The following NUP98 variants were observed in gnomAD, a reference collection of about 807,000 sequenced individuals.
NUP98 encodes the protein nucleoporin 98 and 96 precursor, also known as nuclear pore complex protein Nup98-Nup96.
A neutral mutation model predicts 191.9 loss-of-function variants in NUP98; 26 were observed. That is an observed-to-expected ratio of 0.14 (90% CI 0.10 to 0.19). The LOEUF (loss-of-function observed/expected upper bound fraction) is 0.19. Ranked by LOEUF, NUP98 falls within the 10% of genes least tolerant of loss-of-function variation. The pLI, the probability that NUP98 is intolerant of heterozygous loss-of-function variation, is 1.00. For missense variants in NUP98, 1,941 were observed against 2,178.8 expected, an observed-to-expected ratio of 0.89 and a Z score of 2.17; for synonymous variants, 808 against 778.4, an observed-to-expected ratio of 1.04 and a Z score of -0.63.
intron 19 of NUP98, among the ~76,000 whole-genome samples, chr11:3,713,328 A>C (rs976130281): frequency 7.2e-5 from 11 of 152,252 alleles, no homozygotes; most frequent in African/African-American, 2.4e-4. Flanking sequence ...ACGAGCCCAC[A>C]GTTTGTAAGA....
chr11:3,703,390 G>T lies in NUP98; in HGVS notation c.3083-498C>A, dbSNP rs187308105. ...GCCACCATGCCTGGCTAACTTTTCT[G>T]TATTTTTAGTAGAGACAGAGTTTCA... is the stretch of plus-strand genomic sequence containing the variant. On this transcript the variant is annotated intron_variant, in intron 22 of 32. Coordinates refer to ENST00000324932, the MANE Select transcript of NUP98 (RefSeq NM_016320.5). Among the ~76,000 whole-genome samples the T allele has an allele frequency of 2.4e-3, 360 of 151,906 alleles. 2 individuals are homozygous for T. The Middle Eastern group carries it at 0.037, about 16-fold the overall frequency.
chr11:3,688,793 G>A (rs1036522341), intron 28 of NUP98, among the ~76,000 whole-genome samples: 3 of 126,826 alleles, frequency 2.4e-5, no homozygotes, highest in South Asian at 2.4e-4. Flanking sequence ...AGACTGTCTC[G>A]AAAATATATA....
intron 25 of NUP98, 81 bp downstream of exon 25, chr11:3,699,001 T>G (rs1481509374): frequency 1.3e-6 from 2 of 1,510,888 alleles, no homozygotes; most frequent in African/African-American, 1.4e-5. Context: ...CAAAGGGAAA[T>G]GCACAATTAG....
At chr11:3,755,687 G>A (rs528516925) in intron 10 of NUP98, among the ~76,000 whole-genome samples, 8 of 152,216 alleles carry the variant, frequency 5.3e-5, no homozygotes, top group South Asian at 2.1e-4. Context: ...CAAGCAGGCC[G>A]GGCGCAGTGG....
At chr11:3,731,319 A>G (rs988738628) in intron 14 of NUP98, 72 bp downstream of exon 14, 15 of 997,538 alleles carry the variant, frequency 1.5e-5, no homozygotes, top group Non-Finnish European at 1.9e-5. Flanking sequence ...TATTTAAATA[A>G]TTGTATATTA....
intron 1 of NUP98, among the ~76,000 whole-genome samples, chr11:3,789,136 G>A (rs534775535): frequency 6.6e-5 from 10 of 152,166 alleles, no homozygotes; most frequent in Non-Finnish European, 1.3e-4. Flanking sequence ...TACACCAAAA[G>A]ACTGGTAGGA....
intron 2 of NUP98, among the ~76,000 whole-genome samples, chr11:3,779,996 A>G (rs1042344062): frequency 5.3e-5 from 8 of 152,306 alleles, no homozygotes; most frequent in African/African-American, 1.7e-4. Context: ...GACACTCCGT[A>G]GTCACTGAGA....
At chr11:3,716,957 T>C (rs2079206416) in intron 18 of NUP98, among the ~76,000 whole-genome samples, 1 of 152,178 alleles carries the variant, frequency 6.6e-6, no homozygotes, top group Non-Finnish European at 1.5e-5. Context: ...TGATAGGGAC[T>C]GCATTAAATT....
intron 4 of NUP98, among the ~76,000 whole-genome samples, chr11:3,777,317 G>A (rs1181695628): frequency 3.9e-5 from 6 of 152,094 alleles, no homozygotes; most frequent in Middle Eastern, 3.2e-3. Flanking sequence ...GAAAGTATGA[G>A]AGACACTACT....
intron 11 of NUP98, among the ~76,000 whole-genome samples, chr11:3,749,269 C>T (rs1364573289): frequency 1.7e-4 from 25 of 150,712 alleles, no homozygotes; most frequent in Admixed American, 1.3e-3. Context: ...GATTGCACCA[C>T]TGCAGTCCGC....
At position 3,735,143 on chromosome 11, in the gene NUP98, T is replaced by C. The variant is rs754691690; in HGVS notation, c.1542+48A>G. The C allele has an allele frequency of 3.3e-6, 5 of 1,493,666 alleles. No homozygotes were observed. In the South Asian group the frequency reaches 6.9e-5, roughly 21 times the overall value. The allele number at this position is 1,493,666 out of a possible 1,614,324, so 92.5% of individuals were successfully genotyped here. On this transcript the variant is annotated intron_variant, in intron 13 of 32. Transcript: ENST00000324932. ...AAAAAATTACATTCTGCACATTCAGTTTCTCTTTCTTTGATATGATATTTT... is the reference window on the plus strand; with the variant it reads ...AAAAAATTACATTCTGCACATTCAGCTTCTCTTTCTTTGATATGATATTTT...
intron 18 of NUP98, among the ~76,000 whole-genome samples, chr11:3,717,087 C>T (rs2079211172): frequency 6.6e-6 from 1 of 152,134 alleles, no homozygotes; most frequent in Admixed American, 6.5e-5. Flanking sequence ...CTCCGCCTCC[C>T]AGGTTCAAGC....
chr11:3,696,906 G>T (rs886357097), intron 25 of NUP98: 1 of 152,130 alleles, frequency 6.6e-6, no homozygotes, highest in Non-Finnish European at 1.5e-5. Context: ...TTTACCAGAG[G>T]TTTAGCCTTA....
At chr11:3,712,154 A>G in intron 20 of NUP98, 1 of 1,065,302 alleles carries the variant, frequency 9.4e-7, no homozygotes, top group Non-Finnish European at 1.1e-6. Flanking sequence ...CCCTTTCAGA[A>G]AGCTAATTTA....
At chr11:3,754,603 C>T (rs976984479) in intron 10 of NUP98, among the ~76,000 whole-genome samples, 37 of 152,234 alleles carry the variant, frequency 2.4e-4, no homozygotes, top group African/African-American at 8.9e-4. Context: ...GTCTTCTTCA[C>T]TATGACCCAC....
At chr11:3,783,372 G>A (rs148594467) in intron 1 of NUP98, among the ~76,000 whole-genome samples, 57 of 152,190 alleles carry the variant, frequency 3.7e-4, no homozygotes, top group African/African-American at 1.3e-3. Flanking sequence ...AAGGTGATAG[G>A]GTGAGACAAT....
At chr11:3,747,503 T>C (rs1402342872) in intron 11 of NUP98, among the ~76,000 whole-genome samples, 1 of 152,148 alleles carries the variant, frequency 6.6e-6, no homozygotes, top group Non-Finnish European at 1.5e-5. Flanking sequence ...AAACAAGAAA[T>C]TGTTATGTCC....
intron 19 of NUP98, among the ~76,000 whole-genome samples, 157 bp from the exon 20 acceptor site, chr11:3,712,885 T>G (rs1348296898): frequency 6.6e-6 from 1 of 152,254 alleles, no homozygotes; most frequent in Non-Finnish European, 1.5e-5. Context: ...CACTTTTATC[T>G]AAGATTTAGA....
At chr11:3,682,177 T>C (rs1407880508) in intron 30 of NUP98, among the ~76,000 whole-genome samples, 2 of 152,250 alleles carry the variant, frequency 1.3e-5, no homozygotes, top group Non-Finnish European at 2.9e-5. Flanking sequence ...TAAGGGAATG[T>C]TGTGGCTGGT....
Sources: gnomAD v4.1 joint callset for allele counts (sites outside exome capture counted in the v4.1 genomes callset) on GRCh38, gnomAD v4.1.1 for gene constraint, MANE v1.5 for transcripts, NCBI Gene and HGNC (gene_info 2026-07-23, HGNC 2026-07-21) for gene names.